The following DSCAM variants were observed in gnomAD, a reference collection of about 807,000 sequenced individuals.
DSCAM encodes the protein cell adhesion molecule DSCAM.
In DSCAM, 47 loss-of-function variants were observed where a neutral mutation model predicts 217.7. The ratio of observed to expected loss-of-function variants is 0.22; its 90% CI spans 0.17 to 0.28. The LOEUF (loss-of-function observed/expected upper bound fraction) is 0.28. Among genes scored for constraint, DSCAM ranks in the 10% least tolerant of loss-of-function variants. The probability of loss-of-function intolerance (pLI) is 1.00; values close to 1 mark genes in which losing one functional copy is unlikely to be tolerated. For synonymous variants in DSCAM, 1,056 were observed against 1,015.3 expected, an observed-to-expected ratio of 1.04 and a Z score of -0.76; for missense variants, 2,080 against 2,618.3, an observed-to-expected ratio of 0.79 and a Z score of 4.49.
chr21:40,324,559 T>G lies in DSCAM; in HGVS notation c.1784-12200A>C, dbSNP rs1432650325. On this transcript the variant is annotated intron_variant, in intron 8 of 32. Transcript: ENST00000400454. ...TCTCTTGAAAGTTATTTTTATGGAG[T>G]GTATTGTAAAGCCATAATCATATTA... 2.0e-5 allele frequency among the ~76,000 whole-genome samples: 3 copies of G among 152,296 alleles called. No individual in the cohort carries two copies. In the South Asian group the frequency reaches 6.2e-4, roughly 32 times the overall value.
At chr21:40,432,548 C>T (rs181368175) in intron 3 of DSCAM, among the ~76,000 whole-genome samples, 23 of 152,220 alleles carry the variant, frequency 1.5e-4, no homozygotes, top group East Asian at 3.9e-4. Flanking sequence ...CTTTTTCCCA[C>T]GTAAAGTAAC....
chr21:40,779,032 G>GAAAAAAAAA (rs772208075), intron 1 of DSCAM, among the ~76,000 whole-genome samples: 1 of 45,538 alleles, frequency 2.2e-5, no homozygotes, highest in African/African-American at 8.5e-5. Context: ...CTCAAAAACA[G>GAAAAAAAAA]AAAAAAAAAA....
rs11286508 is a variant in DSCAM, at chr21:40,179,184, CAAAAAAAAAAA to C, written c.2780-101_2780-91del. The C allele has an allele frequency of 7.6e-4, 78 of 102,626 alleles. 3 individuals carry two copies. In the Middle Eastern group the frequency reaches 0.016, roughly 22 times the overall value. 6.4% of individuals were successfully genotyped at this position (102,626 alleles called of 1,614,324 possible). A position where few individuals can be genotyped will look rare whatever the true frequency, so the allele number is the denominator to read the frequency against. On this transcript the variant is annotated intron_variant, in intron 14 of 32. Transcript: ENST00000400454. The stretch of plus-strand genomic sequence containing the variant: ...AAGTTCACAAGTAGGAATTAAAAAC[CAAAAAAAAAAA>C]AAAAAAAAAAAAAAGACGGAAAGAA...
chr21:40,240,694 A>C (rs2073140982), intron 11 of DSCAM, among the ~76,000 whole-genome samples: 1 of 152,134 alleles, frequency 6.6e-6, no homozygotes, highest in Admixed American at 6.5e-5. Context: ...TGCAGTATCC[A>C]TTGATTGCCC....
At chr21:40,287,821 C>T (rs112329691) in intron 10 of DSCAM, among the ~76,000 whole-genome samples, 2,055 of 152,218 alleles carry the variant, frequency 0.014, 51 homozygotes, top group African/African-American at 0.046. Context: ...CCTCCAGCAG[C>T]TTGTCTGGGT....
chr21:40,789,958 G>T (rs571222132), intron 1 of DSCAM, among the ~76,000 whole-genome samples: 4 of 152,122 alleles, frequency 2.6e-5, no homozygotes, highest in Non-Finnish European at 5.9e-5. Flanking sequence ...ACCACACAAA[G>T]TCTATATGGC....
intron 3 of DSCAM, among the ~76,000 whole-genome samples, chr21:40,437,217 T>C (rs1389906104): frequency 6.6e-6 from 1 of 152,100 alleles, no homozygotes; most frequent in Non-Finnish European, 1.5e-5. Flanking sequence ...CTCTGTGACA[T>C]GTTCACTGTT....
intron 1 of DSCAM, among the ~76,000 whole-genome samples, chr21:40,835,725 G>A (rs1203917090): frequency 6.6e-6 from 1 of 152,084 alleles, no homozygotes; most frequent in East Asian, 1.9e-4. Flanking sequence ...TTAAGGTTCT[G>A]AATTTAGGCC....
intron 3 of DSCAM, among the ~76,000 whole-genome samples, chr21:40,479,048 A>G (rs1262702663): frequency 3.9e-5 from 6 of 152,230 alleles, no homozygotes; most frequent in African/African-American, 1.4e-4. Flanking sequence ...GGAGCTGCAG[A>G]TAAGGGGGAA....
chr21:40,287,321 G>A (rs1158039146), intron 10 of DSCAM, among the ~76,000 whole-genome samples: 1 of 152,230 alleles, frequency 6.6e-6, no homozygotes, highest in East Asian at 1.9e-4. Flanking sequence ...AACTGGTGTT[G>A]GCAGAAAATC....
intron 6 of DSCAM, among the ~76,000 whole-genome samples, chr21:40,345,321 T>C (rs532204089): frequency 4.6e-5 from 7 of 152,312 alleles, no homozygotes; most frequent in Non-Finnish European, 1.0e-4. Flanking sequence ...TGCACATTTG[T>C]ATTCTCACTC....
At chr21:40,311,492 C>A (rs898206350) in intron 9 of DSCAM, among the ~76,000 whole-genome samples, 5 of 152,048 alleles carry the variant, frequency 3.3e-5, no homozygotes, top group Non-Finnish European at 7.4e-5. Context: ...GTTAGCCTAC[C>A]CTATTTTAAT....
chr21:40,080,119 G>A, intron 25 of DSCAM, 33 bp downstream of exon 25: 1 of 1,225,462 alleles, frequency 8.2e-7, no homozygotes, highest in Non-Finnish European at 1.1e-6. Flanking sequence ...GGAAAAGAAA[G>A]GATATTAAGA....
rs529447977 is a variant in DSCAM at position 40,492,301 on chromosome 21, T to C, written c.509-123056A>G. On this transcript the variant is annotated intron_variant, in intron 3 of 32. Transcript: ENST00000400454. ...TATAGGTCATTGGTAGCCAGTTATA[T>C]AAAAATAAGAAAAAAGAACTAATTG... is the stretch of plus-strand genomic sequence containing the variant. 3.3e-5 allele frequency among the ~76,000 whole-genome samples: 5 copies of C among 152,244 alleles called. No individual in the cohort carries two copies. The South Asian group carries it at 8.3e-4, about 25-fold the overall frequency.
intron 3 of DSCAM, among the ~76,000 whole-genome samples, chr21:40,404,103 T>C (rs891212690): frequency 6.6e-6 from 1 of 152,158 alleles, no homozygotes; most frequent in African/African-American, 2.4e-5. Context: ...TCTCTCTTAT[T>C]TCAGACCTAT....
At chr21:40,386,299 G>A (rs750403202) in intron 3 of DSCAM, among the ~76,000 whole-genome samples, 9 of 152,212 alleles carry the variant, frequency 5.9e-5, no homozygotes, top group Non-Finnish European at 8.8e-5. Flanking sequence ...AATACTGTCA[G>A]GACACTAAGC....
intron 3 of DSCAM, among the ~76,000 whole-genome samples, chr21:40,577,498 G>A (rs1419126753): frequency 1.3e-5 from 2 of 152,132 alleles, no homozygotes; most frequent in Non-Finnish European, 2.9e-5. Flanking sequence ...AGCCCGGAGC[G>A]AGACTGGCTC....
chr21:40,786,348 A>G (rs2091594532), intron 1 of DSCAM, among the ~76,000 whole-genome samples: 2 of 152,116 alleles, frequency 1.3e-5, no homozygotes, highest in Admixed American at 1.3e-4. Flanking sequence ...AAGAGAAAGA[A>G]AGAAATCATC....
intron 16 of DSCAM, among the ~76,000 whole-genome samples, chr21:40,153,475 C>G (rs1358023644): frequency 6.6e-6 from 1 of 152,132 alleles, no homozygotes; most frequent in Non-Finnish European, 1.5e-5. Context: ...GGTGCAAGGA[C>G]AGAAGACACC....
Sources: gnomAD v4.1 joint callset for allele counts (sites outside exome capture counted in the v4.1 genomes callset) on GRCh38, gnomAD v4.1.1 for gene constraint, MANE v1.5 for transcripts, NCBI Gene and HGNC (gene_info 2026-07-23, HGNC 2026-07-21) for gene names.